TUFT1: variants seen among roughly 807,000 people sequenced by gnomAD.
TUFT1 encodes the protein tuftelin 1, also known as tuftelin.
In TUFT1, 43 loss-of-function variants were observed where a neutral mutation model predicts 57.8. That is an observed-to-expected ratio of 0.74 (90% CI 0.58 to 0.96). TUFT1 has a LOEUF of 0.96. Among genes scored for constraint, TUFT1 ranks in the 40% least tolerant of loss-of-function variants. The probability of loss-of-function intolerance (pLI) is 0.00; values close to 1 mark genes in which losing one functional copy is unlikely to be tolerated. For missense variants in TUFT1, 459 were observed against 489.0 expected (o/e 0.94, Z 0.58); for synonymous variants, 166 against 176.7 (o/e 0.94, Z 0.48).
chr1:151,566,268 G>C, intron 6 of TUFT1, 40 bp downstream of exon 6: 1 of 1,565,218 alleles, frequency 6.4e-7, no homozygotes, highest in Non-Finnish European at 8.7e-7. Flanking sequence ...CGCTTAGCCA[G>C]GGGCAGGATT....
At chr1:151,550,131 A>C (rs1443380106) in intron 1 of TUFT1, among the ~76,000 whole-genome samples, 1 of 152,090 alleles carries the variant, frequency 6.6e-6, no homozygotes, top group Non-Finnish European at 1.5e-5. Context: ...TCCCAGGTTC[A>C]AGCGATTCTC....
intron 1 of TUFT1, among the ~76,000 whole-genome samples, chr1:151,555,235 A>C (rs1328945304): frequency 6.6e-6 from 1 of 150,598 alleles, no homozygotes; most frequent in African/African-American, 2.4e-5. Flanking sequence ...AGGCTGAGGT[A>C]GGAGGATTGC....
chr1:151,568,021 G>A (rs1055973121), intron 6 of TUFT1, among the ~76,000 whole-genome samples: 5 of 152,052 alleles, frequency 3.3e-5, no homozygotes, highest in Admixed American at 1.3e-4. Flanking sequence ...ATCTTTCCCC[G>A]AATGCAAATA....
intron 5 of TUFT1, chr1:151,565,890 G>A (rs3790506): frequency 0.27 from 89,147 of 328,736 alleles, 13,260 homozygotes; most frequent in Admixed American, 0.36. Flanking sequence ...TTTCAAGGCC[G>A]CATAACATCT....
At chr1:151,572,238 T>A (rs564748700) in intron 7 of TUFT1, among the ~76,000 whole-genome samples, 1,958 of 151,852 alleles carry the variant, frequency 0.013, 44 homozygotes, top group African/African-American at 0.042. Flanking sequence ...ATTTTTTTTT[T>A]AAAAAAGGAG....
intron 1 of TUFT1, among the ~76,000 whole-genome samples, chr1:151,550,343 T>C (rs1665469855): frequency 6.6e-6 from 1 of 151,964 alleles, no homozygotes; most frequent in Non-Finnish European, 1.5e-5. Context: ...CAAATAGTTT[T>C]TTCGTTTGTT....
chr1:151,556,812 T>G (rs1171165905), intron 1 of TUFT1, among the ~76,000 whole-genome samples: 2 of 152,084 alleles, frequency 1.3e-5, no homozygotes, highest in African/African-American at 4.8e-5. Context: ...TATATTAACA[T>G]ATAAAAATTA....
chr1:151,583,165 C>A lies in TUFT1; in HGVS notation c.*1458C>A. The A allele has an allele frequency of 6.6e-6, 1 of 152,226 alleles. No homozygotes were observed. Among genetic ancestry groups the A allele is most frequent in the Non-Finnish European group, 1.5e-5 (1 of 68,046 alleles). The allele number at this position is 152,226 out of a possible 1,614,324, so 9.4% of individuals were successfully genotyped here. A position where few individuals can be genotyped will look rare whatever the true frequency, so the allele number is the denominator to read the frequency against. ...GCTAGGCTGGTCTCGAATTCCTGAC[C>A]TCAGGTGATCCACCCACCTCGGCTT... On this transcript the variant is annotated 3_prime_UTR_variant, in exon 13 of 13. Coordinates refer to ENST00000368849, the MANE Select transcript of TUFT1 (RefSeq NM_020127.3).
chr1:151,557,914 T>A (rs1665765665), intron 1 of TUFT1: 1 of 698,438 alleles, frequency 1.4e-6, no homozygotes, highest in African/African-American at 1.7e-5. Flanking sequence ...TGGATTTGGT[T>A]GAGGATGTGG....
At chr1:151,565,936 G>C (rs11204849) in intron 5 of TUFT1, 1 of 435,160 alleles carries the variant, frequency 2.3e-6, no homozygotes, top group Non-Finnish European at 4.2e-6. Context: ...CTCATGGAAC[G>C]CTAGAAATCT....
At chr1:151,577,734 C>T (rs1015991877) in intron 9 of TUFT1, among the ~76,000 whole-genome samples, 10 of 152,122 alleles carry the variant, frequency 6.6e-5, no homozygotes, top group African/African-American at 2.2e-4. Context: ...ATAATAATCC[C>T]AGCTCCAACT....
At position 151,557,420 on chromosome 1, in the gene TUFT1, C is replaced by T. The variant is rs547224377; in HGVS notation, c.61-4671C>T. The stretch of plus-strand genomic sequence containing the variant: ...AAACCTAAGAGGGGCTTTCCAGCCC[C>T]AGCCCCGGCCCCTACAGCCACCGAG... On this transcript the variant is annotated intron_variant, in intron 1 of 12. Coordinates refer to ENST00000368849, the MANE Select transcript of TUFT1 (RefSeq NM_020127.3). The T allele has an allele frequency of 2.3e-4, 238 of 1,021,186 alleles. 2 individuals carry two copies. The highest frequency in any genetic ancestry group is 2.2e-3 in the South Asian group (164 of 73,128). The allele number at this position is 1,021,186 out of a possible 1,614,324, so 63.3% of individuals were successfully genotyped here. A position where few individuals can be genotyped will look rare whatever the true frequency, so the allele number is the denominator to read the frequency against.
chr1:151,566,429 T>C (rs1046742805), intron 6 of TUFT1, among the ~76,000 whole-genome samples: 6 of 152,208 alleles, frequency 3.9e-5, no homozygotes, highest in African/African-American at 1.2e-4. Flanking sequence ...GAGTATCCAC[T>C]GTTAACAGAT....
intron 1 of TUFT1, among the ~76,000 whole-genome samples, chr1:151,548,354 G>A (rs1234192134): frequency 6.8e-6 from 1 of 147,008 alleles, no homozygotes; most frequent in African/African-American, 2.5e-5. Flanking sequence ...CCAGGCTGGA[G>A]TACAGTGGCC....
At chr1:151,559,079 CT>C (rs1219137876) in intron 1 of TUFT1, among the ~76,000 whole-genome samples, 1 of 152,210 alleles carries the variant, frequency 6.6e-6, no homozygotes, top group African/African-American at 2.4e-5. Context: ...GCCACTGCCC[CT>C]GGTCGAGATA....
chr1:151,540,326 G>C lies in TUFT1; in HGVS notation c.-41G>C, dbSNP rs16833376. On this transcript the variant is annotated 5_prime_UTR_variant, in exon 1 of 13. Transcript: ENST00000368849. ...GCCCGCCCAGTTGGAGCCAGACAGC[G>C]GGGTGGACAAGTGGCGTGTGTGCTG... 3 of 1,613,402 alleles carry C rather than the reference G, an allele frequency of 1.9e-6. No individual in the cohort carries two copies. The South Asian group carries it at 3.3e-5, about 18-fold the overall frequency.
chr1:151,551,416 C>T (rs1006556895), intron 1 of TUFT1, among the ~76,000 whole-genome samples: 8 of 151,864 alleles, frequency 5.3e-5, no homozygotes, highest in Non-Finnish European at 7.4e-5. Context: ...ATGATTTTCT[C>T]GGGGGAGATG....
intron 1 of TUFT1, among the ~76,000 whole-genome samples, chr1:151,545,080 G>A (rs1478047055): frequency 6.6e-6 from 1 of 151,682 alleles, no homozygotes; most frequent in Non-Finnish European, 1.5e-5. Flanking sequence ...GGAGGCTGAG[G>A]CAGGTGGATC....
intron 9 of TUFT1, among the ~76,000 whole-genome samples, chr1:151,577,620 G>A (rs971138690): frequency 9.2e-5 from 14 of 152,238 alleles, no homozygotes; most frequent in Non-Finnish European, 1.9e-4. Flanking sequence ...CAGTGGTTTG[G>A]GAATCAGGAG....
Sources: gnomAD v4.1 joint callset for allele counts (sites outside exome capture counted in the v4.1 genomes callset) on GRCh38, gnomAD v4.1.1 for gene constraint, MANE v1.5 for transcripts, NCBI Gene and HGNC (gene_info 2026-07-23, HGNC 2026-07-21) for gene names.